SLC22A25: variants seen among roughly 807,000 people sequenced by gnomAD.
SLC22A25 encodes solute carrier family 22 member 25.
In SLC22A25, 44 loss-of-function variants were observed where a neutral mutation model predicts 45.9. The observed-to-expected ratio is 0.96, with a 90% CI of 0.75 to 1.23. The LOEUF (loss-of-function observed/expected upper bound fraction) is 1.23, where lower values mean the gene tolerates loss of function less well. Ranked by LOEUF, SLC22A25 falls within the 50% of genes most tolerant of loss-of-function variation. The pLI is 0.00. For missense variants in SLC22A25, 800 were observed against 666.4 expected, an observed-to-expected ratio of 1.20 and a Z score of -2.21; for synonymous variants, 283 against 238.6, an observed-to-expected ratio of 1.19 and a Z score of -1.72.
Position 63,238,820 on chromosome 11 carries a change from G to A in SLC22A25, c.-680C>T. 4.0e-6 allele frequency: 1 copy of A among 251,710 alleles called. No homozygotes were observed. The highest frequency in any genetic ancestry group is 8.4e-6 in the Non-Finnish European group (1 of 119,238). The allele number at this position is 251,710 out of a possible 1,614,324, so 15.6% of individuals were successfully genotyped here. A position where few individuals can be genotyped will look rare whatever the true frequency, so the allele number is the denominator to read the frequency against. On this transcript the variant is annotated 5_prime_UTR_variant, in exon 2 of 12. Coordinates refer to ENST00000306494, the MANE Select transcript of SLC22A25 (RefSeq NM_199352.6). ...ATATTGAGGAATGTCCCATTCAGGT[G>A]AAGGAGCTGCCACTGGGGATGGATG...
Position 63,163,753 on chromosome 11 carries a change from G to T in SLC22A25, c.*71C>A. The stretch of plus-strand genomic sequence containing the variant: ...AAAGGCAAAGGCACTGACTACATGG[G>T]AATAGCCCAGATCTAAGCCTTTTTG... On this transcript the variant is annotated 3_prime_UTR_variant, in exon 12 of 12. Transcript: ENST00000306494. 6.5e-7 allele frequency: 1 copy of T among 1,536,708 alleles called. No homozygotes were observed. Among genetic ancestry groups the T allele is most frequent in the Non-Finnish European group, 8.7e-7 (1 of 1,144,882 alleles).
intron 5 of SLC22A25, among the ~76,000 whole-genome samples, chr11:63,225,348 T>G (rs1442653344): frequency 6.6e-6 from 1 of 152,146 alleles, no homozygotes; most frequent in Non-Finnish European, 1.5e-5. Context: ...AGCCTTTGTT[T>G]GGGAAACTCT....
chr11:63,183,439 G>A (rs2088401663), intron 8 of SLC22A25, among the ~76,000 whole-genome samples: 1 of 152,070 alleles, frequency 6.6e-6, no homozygotes, highest in African/African-American at 2.4e-5. Flanking sequence ...AGTGAGTCCA[G>A]TGCAAAATTT....
intron 3 of SLC22A25, among the ~76,000 whole-genome samples, chr11:63,232,618 C>A (rs1262791095): frequency 6.6e-6 from 1 of 152,096 alleles, no homozygotes; most frequent in Non-Finnish European, 1.5e-5. Context: ...AATTGAATTC[C>A]CTTTATTCCC....
chr11:63,164,171 A>T, intron 11 of SLC22A25, 98 bp from the exon 12 acceptor site: 1 of 1,439,962 alleles, frequency 6.9e-7, no homozygotes, highest in South Asian at 1.4e-5. Flanking sequence ...GCACTTAAAC[A>T]CATGGAGGTG....
intron 3 of SLC22A25, among the ~76,000 whole-genome samples, chr11:63,236,292 C>A (rs537014296): frequency 3.3e-5 from 5 of 152,202 alleles, no homozygotes; most frequent in Admixed American, 6.5e-5. Flanking sequence ...GGGCTCCACC[C>A]AGTTCGAGCT....
intron 7 of SLC22A25, among the ~76,000 whole-genome samples, chr11:63,191,197 A>T (rs2134754780): frequency 6.6e-6 from 1 of 152,280 alleles, no homozygotes. Flanking sequence ...GGCTCCACCC[A>T]GTTGGAGCTT....
intron 9 of SLC22A25, among the ~76,000 whole-genome samples, chr11:63,177,191 A>G (rs74939676): frequency 0.018 from 2,689 of 152,154 alleles, 69 homozygotes; most frequent in African/African-American, 0.049. Flanking sequence ...ATTTTATTAT[A>G]AAATGTCTAG....
intron 7 of SLC22A25, among the ~76,000 whole-genome samples, chr11:63,191,760 C>G (rs986259752): frequency 3.3e-5 from 5 of 152,022 alleles, no homozygotes; most frequent in Non-Finnish European, 4.4e-5. Flanking sequence ...TTGCAGACTG[C>G]CTTTGTGAAA....
chr11:63,175,961 C>A (rs1247134872), intron 9 of SLC22A25, among the ~76,000 whole-genome samples: 4 of 151,900 alleles, frequency 2.6e-5, no homozygotes, highest in African/African-American at 7.3e-5. Context: ...TGCTTAGCAC[C>A]ATTTGCTGAA....
intron 7 of SLC22A25, among the ~76,000 whole-genome samples, chr11:63,197,673 T>A (rs1334358081): frequency 5.9e-5 from 9 of 152,128 alleles, no homozygotes; most frequent in Non-Finnish European, 1.2e-4. Flanking sequence ...GGCAAGGACT[T>A]CATGACTAAA....
chr11:63,240,988 G>C (rs1387722461), intron 1 of SLC22A25, among the ~76,000 whole-genome samples: 2 of 152,178 alleles, frequency 1.3e-5, no homozygotes, highest in Admixed American at 1.3e-4. Context: ...AAAATTTGTA[G>C]CATTGACTGA....
chr11:63,243,020 AAC>A (rs1464578657), intron 1 of SLC22A25: 1 of 155,634 alleles, frequency 6.4e-6, no homozygotes, highest in Non-Finnish European at 1.4e-5. Context: ...CCAAAACAAA[AAC>A]AAAAACAAAC....
intron 9 of SLC22A25, among the ~76,000 whole-genome samples, chr11:63,179,778 T>C (rs913785855): frequency 2.6e-5 from 4 of 152,162 alleles, no homozygotes; most frequent in African/African-American, 9.6e-5. Context: ...AAGTTGTGCA[T>C]ATTCTTTTCA....
chr11:63,207,289 A>G (rs1321916597), intron 7 of SLC22A25, among the ~76,000 whole-genome samples: 1 of 152,228 alleles, frequency 6.6e-6, no homozygotes, highest in Non-Finnish European at 1.5e-5. Context: ...TAAGCTAAAG[A>G]GCTTCTGCAC....
intron 10 of SLC22A25, 102 bp from the exon 11 acceptor site, chr11:63,164,736 G>T: frequency 1.1e-6 from 1 of 891,952 alleles, no homozygotes; most frequent in African/African-American, 1.7e-5. Flanking sequence ...TGTTTCCAGG[G>T]GTAAAATGTA....
At chr11:63,224,981 C>T (rs1174861803) in intron 5 of SLC22A25, among the ~76,000 whole-genome samples, 2 of 152,124 alleles carry the variant, frequency 1.3e-5, no homozygotes, top group East Asian at 3.9e-4. Flanking sequence ...CGCCTGTAGT[C>T]CCAGCTATTC....
intron 9 of SLC22A25, among the ~76,000 whole-genome samples, chr11:63,171,862 A>G (rs2134716508): frequency 6.6e-6 from 1 of 152,326 alleles, no homozygotes; most frequent in South Asian, 2.1e-4. Flanking sequence ...ATGCTAAGCA[A>G]AAAGAACAAA....
intron 9 of SLC22A25, among the ~76,000 whole-genome samples, chr11:63,176,901 T>G (rs1418080516): frequency 6.6e-6 from 1 of 152,038 alleles, no homozygotes; most frequent in Admixed American, 6.6e-5. Context: ...TGTTTAAACA[T>G]GAAGGGTTCC....
Sources: allele counts gnomAD v4.1 joint callset (sites outside exome capture counted in the v4.1 genomes callset), GRCh38; gene constraint gnomAD v4.1.1; transcripts MANE v1.5; gene names NCBI Gene and HGNC (gene_info 2026-07-23, HGNC 2026-07-21).